MAF: variants seen among roughly 807,000 people sequenced by gnomAD.
MAF encodes MAF bZIP transcription factor, also known as transcription factor Maf.
Under a neutral mutation model 22.0 loss-of-function variants are expected in MAF, and 10 were observed. The ratio of observed to expected loss-of-function variants is 0.45; its 90% CI spans 0.28 to 0.77. The LOEUF (loss-of-function observed/expected upper bound fraction) is 0.77. Among genes scored for constraint, MAF ranks in the 30% least tolerant of loss-of-function variants. MAF has a pLI of 0.12. For missense variants in MAF, 544 were observed against 548.4 expected (o/e 0.99, Z 0.08); for synonymous variants, 337 against 255.8 (o/e 1.32, Z -3.03).
chr16:79,335,742 C>T, the MAF span, among the ~76,000 whole-genome samples: 4 of 152,184 alleles, frequency 2.6e-5, no homozygotes, highest in Admixed American at 6.5e-5. Context: ...AATCAGGAAG[C>T]GGACACCCAC....
At chr16:79,307,419 T>G in the MAF span, among the ~76,000 whole-genome samples, 1 of 152,240 alleles carries the variant, frequency 6.6e-6, no homozygotes, top group Non-Finnish European at 1.5e-5. Context: ...ACTTCTGCTT[T>G]CGAGCCTGGC....
chr16:79,490,640 ATATAT>A, the MAF span, among the ~76,000 whole-genome samples: 2 of 152,230 alleles, frequency 1.3e-5, no homozygotes, highest in African/African-American at 4.8e-5. Flanking sequence ...ACATGCATAA[ATATAT>A]TATAAGACTT....
chr16:79,456,248 A>G, the MAF span, among the ~76,000 whole-genome samples: 1 of 152,076 alleles, frequency 6.6e-6, no homozygotes, highest in Admixed American at 6.5e-5. Flanking sequence ...ACTTCCCCAC[A>G]GGATTTATGG....
At chr16:79,526,423 G>A in the MAF span, among the ~76,000 whole-genome samples, 27 of 152,324 alleles carry the variant, frequency 1.8e-4, no homozygotes, top group African/African-American at 6.5e-4. Flanking sequence ...GTGATGGGGA[G>A]TGGCTGTATA....
the MAF span, among the ~76,000 whole-genome samples, chr16:79,430,533 G>C: frequency 6.6e-6 from 1 of 152,188 alleles, no homozygotes; most frequent in East Asian, 1.9e-4. Context: ...CCCACCTAGG[G>C]CAACTCACTT....
the MAF span, among the ~76,000 whole-genome samples, chr16:79,367,584 C>T: frequency 3.0e-4 from 46 of 152,300 alleles, no homozygotes; most frequent in African/African-American, 8.9e-4. Flanking sequence ...CTGTCCAATG[C>T]AACTCTCTGC....
At chr16:79,377,356 C>T in the MAF span, among the ~76,000 whole-genome samples, 1 of 152,098 alleles carries the variant, frequency 6.6e-6, no homozygotes, top group Non-Finnish European at 1.5e-5. Context: ...TATCCTTCGC[C>T]CACTTGTTGA....
At chr16:79,512,491 C>G in the MAF span, among the ~76,000 whole-genome samples, 1 of 152,224 alleles carries the variant, frequency 6.6e-6, no homozygotes, top group East Asian at 1.9e-4. Context: ...GAATCCAGGC[C>G]CATCTCCAGG....
the MAF span, chr16:79,211,733 C>A: frequency 6.2e-7 from 1 of 1,614,216 alleles, no homozygotes; most frequent in South Asian, 1.1e-5. Context: ...AAGAGACGGC[C>A]CGGACCCTGT....
the MAF span, among the ~76,000 whole-genome samples, chr16:79,303,702 G>A: frequency 1.3e-5 from 2 of 152,108 alleles, no homozygotes; most frequent in African/African-American, 4.8e-5. Flanking sequence ...GGGTTCTGAG[G>A]CACACCCGTA....
chr16:79,463,430 C>G, the MAF span, among the ~76,000 whole-genome samples: 1 of 152,190 alleles, frequency 6.6e-6, no homozygotes, highest in Non-Finnish European at 1.5e-5. Flanking sequence ...AGCATAAACA[C>G]ACAATGACAA....
chr16:79,550,495 G>T, the MAF span, among the ~76,000 whole-genome samples: 1 of 152,088 alleles, frequency 6.6e-6, no homozygotes, highest in Admixed American at 6.6e-5. Context: ...ACCTCACATT[G>T]AAACAGCTCA....
the MAF span, among the ~76,000 whole-genome samples, chr16:79,418,710 A>G: frequency 2.6e-5 from 4 of 152,174 alleles, no homozygotes; most frequent in East Asian, 7.7e-4. Flanking sequence ...GGCGCCTACC[A>G]TATGTAAGGA....
the MAF span, among the ~76,000 whole-genome samples, chr16:79,492,876 G>C: frequency 6.6e-6 from 1 of 152,202 alleles, no homozygotes; most frequent in Non-Finnish European, 1.5e-5. Context: ...TAGGAGGTTA[G>C]TGATTGGGAG....
the MAF span, among the ~76,000 whole-genome samples, chr16:79,550,978 G>A: frequency 2.6e-5 from 4 of 152,080 alleles, no homozygotes; most frequent in Non-Finnish European, 5.9e-5. Context: ...TCCTTTGGAG[G>A]CCCCCGTGGC....
chr16:79,482,636 G>T, the MAF span, among the ~76,000 whole-genome samples: 2 of 152,226 alleles, frequency 1.3e-5, no homozygotes, highest in East Asian at 3.9e-4. Context: ...TTTCCATGCA[G>T]CAGTGAAGCA....
chr16:79,301,799 G>C, the MAF span, among the ~76,000 whole-genome samples: 1 of 152,190 alleles, frequency 6.6e-6, no homozygotes, highest in Non-Finnish European at 1.5e-5. Flanking sequence ...TGATGCTATA[G>C]GCTTTACACA....
intron 1 of MAF, among the ~76,000 whole-genome samples, chr16:79,587,625 G>C (rs1390295757): frequency 2.0e-5 from 3 of 152,042 alleles, no homozygotes; most frequent in East Asian, 1.9e-4. Context: ...AATTATTACA[G>C]AGCAATAATT....
the MAF span, among the ~76,000 whole-genome samples, chr16:79,222,319 C>T: frequency 6.6e-6 from 1 of 152,114 alleles, no homozygotes; most frequent in Non-Finnish European, 1.5e-5. Context: ...GCCTGTCTTA[C>T]AAGAGCTCCT....
Sources: gnomAD v4.1 joint callset for allele counts (sites outside exome capture counted in the v4.1 genomes callset) on GRCh38, gnomAD v4.1.1 for gene constraint, MANE v1.5 for transcripts, NCBI Gene and HGNC (gene_info 2026-07-23, HGNC 2026-07-21) for gene names.